ZFAT: variants seen among roughly 807,000 people sequenced by gnomAD.
The protein encoded by ZFAT is zinc finger protein ZFAT.
In ZFAT, 64 loss-of-function variants were observed where a neutral mutation model predicts 117.7. The ratio of observed to expected loss-of-function variants is 0.54; its 90% CI spans 0.44 to 0.67. The LOEUF is 0.67. Among genes scored for constraint, ZFAT ranks in the 30% least tolerant of loss-of-function variants. The pLI is 0.00. For missense variants in ZFAT, 1,433 were observed against 1,584.5 expected, an observed-to-expected ratio of 0.90 and a Z score of 1.62; for synonymous variants, 679 against 615.0, an observed-to-expected ratio of 1.10 and a Z score of -1.54.
chr8:134,686,898 AAAG>A (rs1221952332), intron 1 of ZFAT, among the ~76,000 whole-genome samples: 2 of 152,140 alleles, frequency 1.3e-5, no homozygotes, highest in East Asian at 3.9e-4. Flanking sequence ...GTCTCTTCTG[AAAG>A]AAGAGCAGCC....
chr8:134,567,048 T>C (rs182864168), intron 10 of ZFAT, among the ~76,000 whole-genome samples: 537 of 152,312 alleles, frequency 3.5e-3, no homozygotes, highest in Non-Finnish European at 5.5e-3. Context: ...CTTCAGACTT[T>C]TGTAAACCTT....
intron 10 of ZFAT, among the ~76,000 whole-genome samples, chr8:134,572,546 G>A (rs1048980324): frequency 1.3e-5 from 2 of 152,116 alleles, no homozygotes; most frequent in East Asian, 1.9e-4. Flanking sequence ...ACTGACTTAC[G>A]GGTGCTCTTT....
intron 9 of ZFAT, among the ~76,000 whole-genome samples, chr8:134,585,846 A>T (rs1826032535): frequency 6.6e-6 from 1 of 152,198 alleles, no homozygotes; most frequent in Non-Finnish European, 1.5e-5. Flanking sequence ...CCATTGCTTG[A>T]CTATTAGGAA....
intron 9 of ZFAT, among the ~76,000 whole-genome samples, chr8:134,586,290 T>TAG: frequency 6.6e-6 from 1 of 152,228 alleles, no homozygotes; most frequent in Non-Finnish European, 1.5e-5. Context: ...TCACAAGTCT[T>TAG]TACTTAACAC....
chr8:134,680,900 T>C (rs1833041529), intron 1 of ZFAT, among the ~76,000 whole-genome samples: 1 of 152,236 alleles, frequency 6.6e-6, no homozygotes. Flanking sequence ...AAAAGGTATG[T>C]GAGACTTCTG....
intron 2 of ZFAT, among the ~76,000 whole-genome samples, chr8:134,641,618 T>C (rs1252567970): frequency 6.6e-6 from 1 of 152,232 alleles, no homozygotes; most frequent in Non-Finnish European, 1.5e-5. Flanking sequence ...TGACAAACCC[T>C]GAGGTCTGAG....
the ZFAT span, among the ~76,000 whole-genome samples, chr8:134,819,496 A>AC: frequency 0.058 from 2,278 of 39,284 alleles, 86 homozygotes; most frequent in Non-Finnish European, 0.08. Flanking sequence ...CGGATTTACC[A>AC]CCCCCCCCCC....
intron 3 of ZFAT, among the ~76,000 whole-genome samples, chr8:134,629,276 C>T (rs538101969): frequency 2.0e-4 from 30 of 152,180 alleles, no homozygotes; most frequent in Middle Eastern, 3.4e-3. Context: ...GGGGGACACC[C>T]AAACTGAAAC....
At chr8:134,520,555 A>G (rs1392882592) in intron 13 of ZFAT, among the ~76,000 whole-genome samples, 1 of 152,168 alleles carries the variant, frequency 6.6e-6, no homozygotes, top group Non-Finnish European at 1.5e-5. Context: ...TGGCAATACA[A>G]TAGAATCCTT....
chr8:134,805,209 C>A, the ZFAT span, among the ~76,000 whole-genome samples: 1 of 151,934 alleles, frequency 6.6e-6, no homozygotes, highest in Admixed American at 6.6e-5. Context: ...ACCCTGATAT[C>A]CTACATGAGG....
intron 15 of ZFAT, among the ~76,000 whole-genome samples, chr8:134,489,016 G>A (rs1214626418): frequency 7.2e-6 from 1 of 138,254 alleles, no homozygotes; most frequent in Middle Eastern, 3.7e-3. Flanking sequence ...GGGTGGGGAA[G>A]AGATGAAACA....
At chr8:134,821,687 G>A in the ZFAT span, among the ~76,000 whole-genome samples, 2 of 152,130 alleles carry the variant, frequency 1.3e-5, no homozygotes, top group African/African-American at 4.8e-5. Context: ...TTCCAAGAAC[G>A]AGTAAGAGAG....
chr8:134,569,498 C>T (rs1400325637), intron 10 of ZFAT, among the ~76,000 whole-genome samples: 1 of 152,108 alleles, frequency 6.6e-6, no homozygotes, highest in Non-Finnish European at 1.5e-5. Context: ...AGGTGACTAC[C>T]CATCAGAAAA....
chr8:134,736,527 G>A, the ZFAT span, among the ~76,000 whole-genome samples: 2 of 152,164 alleles, frequency 1.3e-5, no homozygotes, highest in Non-Finnish European at 1.5e-5. Flanking sequence ...GCCGCACAGA[G>A]CAAGGTTTGC....
At chr8:134,696,804 T>C (rs1833865226) in intron 1 of ZFAT, among the ~76,000 whole-genome samples, 1 of 152,164 alleles carries the variant, frequency 6.6e-6, no homozygotes, top group African/African-American at 2.4e-5. Flanking sequence ...CCCGCTCCAG[T>C]CCCAGGAGGC....
At chr8:134,792,938 G>GA in the ZFAT span, 2 of 151,982 alleles carry the variant, frequency 1.3e-5, no homozygotes, top group Middle Eastern at 3.2e-3. Context: ...TTAGTAAAAG[G>GA]AAAAAAGTGT....
At chr8:134,810,261 T>C in the ZFAT span, among the ~76,000 whole-genome samples, 1 of 152,180 alleles carries the variant, frequency 6.6e-6, no homozygotes, top group East Asian at 1.9e-4. Flanking sequence ...AATTGCTAAC[T>C]TCAGTCTCAA....
chr8:134,620,937 C>T (rs942271762), intron 3 of ZFAT, among the ~76,000 whole-genome samples: 3 of 152,090 alleles, frequency 2.0e-5, no homozygotes, highest in African/African-American at 4.8e-5. Flanking sequence ...CCTCTAGATG[C>T]CATTTTCAAA....
intron 3 of ZFAT, among the ~76,000 whole-genome samples, chr8:134,626,443 A>C (rs1182654266): frequency 6.6e-6 from 1 of 152,246 alleles, no homozygotes; most frequent in East Asian, 1.9e-4. Flanking sequence ...TCATCTAAAA[A>C]AGAGAATGGT....
Sources: gnomAD v4.1 joint callset for allele counts (sites outside exome capture counted in the v4.1 genomes callset) on GRCh38, gnomAD v4.1.1 for gene constraint, MANE v1.5 for transcripts, NCBI Gene and HGNC (gene_info 2026-07-23, HGNC 2026-07-21) for gene names.